The following BAZ2B variants were observed in gnomAD, a reference collection of about 807,000 sequenced individuals.
The protein encoded by BAZ2B is bromodomain adjacent to zinc finger domain protein 2B.
A neutral mutation model predicts 246.0 loss-of-function variants in BAZ2B; 91 were observed. The ratio of observed to expected loss-of-function variants is 0.37; its 90% CI spans 0.31 to 0.44. The LOEUF (loss-of-function observed/expected upper bound fraction) is 0.44. BAZ2B is among the 20% of genes least tolerant of loss of function. BAZ2B has a pLI of 1.00. For synonymous variants in BAZ2B, 855 were observed against 860.0 expected (o/e 0.99, Z 0.10); for missense variants, 2,332 against 2,533.7 (o/e 0.92, Z 1.71).
chr2:159,534,008 A>G (rs2085656004), intron 2 of BAZ2B, among the ~76,000 whole-genome samples: 2 of 152,218 alleles, frequency 1.3e-5, no homozygotes, highest in Admixed American at 1.3e-4. Flanking sequence ...TCCTTTAACG[A>G]GAGGCCGTAA....
chr2:159,344,027 CAAA>C (rs70994297), intron 31 of BAZ2B, among the ~76,000 whole-genome samples: 169 of 96,888 alleles, frequency 1.7e-3, no homozygotes, highest in African/African-American at 2.8e-3. Flanking sequence ...GACTCCATCT[CAAA>C]AAAAAAAAAA....
chr2:159,425,249 C>T (rs1203267102), intron 13 of BAZ2B, among the ~76,000 whole-genome samples: 2 of 152,130 alleles, frequency 1.3e-5, no homozygotes, highest in African/African-American at 2.4e-5. Context: ...GGCCTGATCT[C>T]GGCTCACTGC....
chr2:159,658,849 T>A, the BAZ2B span, among the ~76,000 whole-genome samples: 1 of 152,120 alleles, frequency 6.6e-6, no homozygotes, highest in Non-Finnish European at 1.5e-5. Context: ...AGATGGGGTC[T>A]CCCTATGTTG....
chr2:159,453,234 TC>T (rs2075318260), intron 4 of BAZ2B, among the ~76,000 whole-genome samples: 1 of 152,166 alleles, frequency 6.6e-6, no homozygotes, highest in African/African-American at 2.4e-5. Flanking sequence ...AACTTTAGTT[TC>T]ACACTAAATA....
At chr2:159,410,941 T>A (rs1019776143) in intron 14 of BAZ2B, among the ~76,000 whole-genome samples, 1 of 152,236 alleles carries the variant, frequency 6.6e-6, no homozygotes, top group Non-Finnish European at 1.5e-5. Flanking sequence ...TATATATGTA[T>A]ATGTGAGTGG....
At chr2:159,696,847 G>A in the BAZ2B span, among the ~76,000 whole-genome samples, 3 of 152,216 alleles carry the variant, frequency 2.0e-5, no homozygotes, top group East Asian at 1.9e-4. Context: ...GTGCAGTGGC[G>A]CCATCTCGGC....
chr2:159,378,716 AG>A (rs762670006), intron 25 of BAZ2B, among the ~76,000 whole-genome samples: 6 of 152,324 alleles, frequency 3.9e-5, no homozygotes, highest in Middle Eastern at 3.4e-3. Flanking sequence ...ATCACTAATC[AG>A]GGAAATGTAA....
intron 3 of BAZ2B, among the ~76,000 whole-genome samples, chr2:159,466,583 A>T (rs913185554): frequency 3.3e-5 from 5 of 152,224 alleles, no homozygotes; most frequent in Non-Finnish European, 5.9e-5. Context: ...CTATAATTAG[A>T]GGTCTAATTA....
intron 20 of BAZ2B, among the ~76,000 whole-genome samples, chr2:159,390,771 G>A (rs1391677951): frequency 1.3e-5 from 2 of 152,026 alleles, no homozygotes; most frequent in Non-Finnish European, 2.9e-5. Flanking sequence ...CAGATCCTAA[G>A]GGCCTTTTTA....
chr2:159,623,769 A>T, the BAZ2B span, among the ~76,000 whole-genome samples: 1 of 152,224 alleles, frequency 6.6e-6, no homozygotes, highest in African/African-American at 2.4e-5. Flanking sequence ...AAATATGAAA[A>T]TAGGTATATA....
intron 27 of BAZ2B, among the ~76,000 whole-genome samples, chr2:159,368,698 T>A (rs1403604462): frequency 6.6e-6 from 1 of 152,150 alleles, no homozygotes; most frequent in Non-Finnish European, 1.5e-5. Context: ...TTTAGATCCA[T>A]TATCTGACAT....
intron 2 of BAZ2B, among the ~76,000 whole-genome samples, chr2:159,489,585 G>A (rs1315043805): frequency 2.6e-5 from 4 of 152,192 alleles, no homozygotes; most frequent in African/African-American, 4.8e-5. Context: ...ACCCCAAACC[G>A]GATAAACCGA....
At position 159,384,811 on chromosome 2, in the gene BAZ2B, A is replaced by G. The variant is rs558616972; in HGVS notation, c.3686+344T>C. Among the ~76,000 whole-genome samples, 109 of 152,270 alleles carry G rather than the reference A, an allele frequency of 7.2e-4. 1 individual carries two copies. The South Asian group carries it at 0.021, about 29-fold the overall frequency. On this transcript the variant is annotated intron_variant, in intron 23 of 36. Coordinates refer to ENST00000392783, the MANE Select transcript of BAZ2B (RefSeq NM_013450.4). ...GTCCTTAAAAGACGTGAAGGAAAAA[A>G]AAATTCTGTATTCTTGTGGTGGTAC...
At chr2:159,532,775 T>G (rs2085508968) in intron 2 of BAZ2B, among the ~76,000 whole-genome samples, 1 of 152,220 alleles carries the variant, frequency 6.6e-6, no homozygotes, top group Non-Finnish European at 1.5e-5. Flanking sequence ...TGTCAAATGA[T>G]TACACATGCT....
intron 8 of BAZ2B, 55 bp from the exon 9 acceptor site, chr2:159,433,418 C>T (rs750104242): frequency 2.2e-5 from 33 of 1,485,046 alleles, no homozygotes; most frequent in Non-Finnish European, 3.0e-5. Context: ...ACAAAGATTG[C>T]TTTTATTTGC....
At chr2:159,652,129 A>G in the BAZ2B span, among the ~76,000 whole-genome samples, 1 of 152,088 alleles carries the variant, frequency 6.6e-6, no homozygotes, top group Non-Finnish European at 1.5e-5. Context: ...TGCTTTCCAA[A>G]CTGGCTATAC....
At chr2:159,624,083 T>G in the BAZ2B span, among the ~76,000 whole-genome samples, 1 of 151,884 alleles carries the variant, frequency 6.6e-6, no homozygotes, top group Non-Finnish European at 1.5e-5. Context: ...TGCTGGGAGG[T>G]TCGAACCGGG....
chr2:159,479,006 A>C (rs1192467565), intron 2 of BAZ2B, among the ~76,000 whole-genome samples: 1 of 152,148 alleles, frequency 6.6e-6, no homozygotes, highest in Non-Finnish European at 1.5e-5. Flanking sequence ...ACAACCATAA[A>C]TTAACATGTT....
intron 3 of BAZ2B, among the ~76,000 whole-genome samples, chr2:159,465,906 C>T (rs2076979400): frequency 6.7e-6 from 1 of 149,484 alleles, no homozygotes; most frequent in South Asian, 2.1e-4. Flanking sequence ...AGAGTGAGAC[C>T]CTGTCTCAAA....
Sources: allele counts gnomAD v4.1 joint callset (sites outside exome capture counted in the v4.1 genomes callset), GRCh38; gene constraint gnomAD v4.1.1; transcripts MANE v1.5; gene names NCBI Gene and HGNC (gene_info 2026-07-23, HGNC 2026-07-21).